The following DPP6 variants were observed in gnomAD, a reference collection of about 807,000 sequenced individuals.
The protein encoded by DPP6 is dipeptidyl peptidase like 6, also known as A-type potassium channel modulatory protein DPP6.
DPP6 carries 69 observed loss-of-function variants against 122.6 expected under a neutral mutation model. That is an observed-to-expected ratio of 0.56 (90% CI 0.46 to 0.69). The LOEUF (loss-of-function observed/expected upper bound fraction) is 0.69. Ranked by LOEUF, DPP6 falls within the 30% of genes least tolerant of loss-of-function variation. The probability of loss-of-function intolerance (pLI) is 0.00; values close to 1 mark genes in which losing one functional copy is unlikely to be tolerated. For missense variants in DPP6, 928 were observed against 1,116.9 expected (o/e 0.83, Z 2.41); for synonymous variants, 418 against 433.1 (o/e 0.97, Z 0.43).
chr7:154,504,353 G>A (rs1825501779), intron 3 of DPP6, among the ~76,000 whole-genome samples: 1 of 152,072 alleles, frequency 6.6e-6, no homozygotes, highest in Admixed American at 6.6e-5. Context: ...CTTGATCACC[G>A]ACCTATTAAA....
chr7:154,567,334 G>A (rs73729336), intron 5 of DPP6, among the ~76,000 whole-genome samples: 4,449 of 152,248 alleles, frequency 0.029, 220 homozygotes, highest in African/African-American at 0.1. Context: ...GTGTTCTAGT[G>A]AAGAGCTGAA....
chr7:154,389,708 T>G (rs1814444677), intron 1 of DPP6, among the ~76,000 whole-genome samples: 1 of 97,876 alleles, frequency 1.0e-5, no homozygotes, highest in Non-Finnish European at 2.8e-5. Flanking sequence ...CTAATTTTCC[T>G]TGCATTCTGG....
intron 1 of DPP6, among the ~76,000 whole-genome samples, chr7:154,295,303 A>G (rs1805466140): frequency 6.6e-6 from 1 of 152,208 alleles, no homozygotes; most frequent in South Asian, 2.1e-4. Context: ...TGTGTTGTTC[A>G]TACAAATCAC....
At chr7:154,802,869 T>C (rs1798457755) in intron 13 of DPP6, among the ~76,000 whole-genome samples, 1 of 151,712 alleles carries the variant, frequency 6.6e-6, no homozygotes, top group Non-Finnish European at 1.5e-5. Context: ...TATAAATGCT[T>C]CAGTGTTTTC....
chr7:153,935,063 G>A lies in DPP6; in HGVS notation c.51+47329G>A, dbSNP rs370380570. 7.4e-4 allele frequency among the ~76,000 whole-genome samples: 112 copies of A among 152,336 alleles called. 1 individual carries two copies. In the South Asian group the frequency reaches 0.02, roughly 27 times the overall value. ...CTCAGGGACCAGCCCCAGGGATGGC[G>A]AATGTCCTGACATAACGCTGTGCCC... On this transcript the variant is annotated intron_variant, in intron 1 of 25. Transcript: ENST00000404039.
At chr7:154,878,704 C>T (rs1805091960) in intron 20 of DPP6, among the ~76,000 whole-genome samples, 1 of 152,172 alleles carries the variant, frequency 6.6e-6, no homozygotes, top group African/African-American at 2.4e-5. Context: ...GGAGCTCGTC[C>T]CACCCCTGTG....
intron 1 of DPP6, among the ~76,000 whole-genome samples, chr7:154,329,831 T>C (rs1204375035): frequency 6.6e-6 from 1 of 152,184 alleles, no homozygotes; most frequent in Non-Finnish European, 1.5e-5. Flanking sequence ...ATATACACCA[T>C]GGAATACTAT....
intron 10 of DPP6, among the ~76,000 whole-genome samples, chr7:154,787,382 C>T (rs561048330): frequency 6.6e-6 from 1 of 151,262 alleles, no homozygotes; most frequent in South Asian, 2.1e-4. Context: ...CTTCCTTTCC[C>T]TACTGATTTG....
At chr7:154,881,789 C>T (rs1805409394) in intron 21 of DPP6, among the ~76,000 whole-genome samples, 6 of 152,178 alleles carry the variant, frequency 3.9e-5, no homozygotes, top group Admixed American at 3.9e-4. Context: ...CCCACACCTC[C>T]TCCTTACCTG....
chr7:154,488,198 G>A (rs1055799388), intron 3 of DPP6, among the ~76,000 whole-genome samples: 1 of 152,118 alleles, frequency 6.6e-6, no homozygotes, highest in South Asian at 2.1e-4. Context: ...GACACACGTG[G>A]GCGGGGCGGG....
rs189157487 is a variant in DPP6 at position 154,309,019 on chromosome 7, A to G, written c.244-137195A>G. On this transcript the variant is annotated intron_variant, in intron 1 of 25. Coordinates refer to ENST00000377770, the MANE Select transcript of DPP6 (RefSeq NM_130797.4). ...ACACAGGCACACCTCGTGTGTCACA[A>G]AATCAGAGTTGGAAAGGACCCCACA... Among the ~76,000 whole-genome samples the G allele has an allele frequency of 3.3e-5, 5 of 152,328 alleles. No individual in the cohort carries two copies. In the East Asian group the frequency reaches 9.7e-4, roughly 29 times the overall value.
At chr7:154,074,211 G>A (rs1187969712) in intron 1 of DPP6, among the ~76,000 whole-genome samples, 2 of 151,344 alleles carry the variant, frequency 1.3e-5, no homozygotes, top group East Asian at 1.9e-4. Flanking sequence ...TACTCAACAG[G>A]TGCATGTCAT....
intron 3 of DPP6, among the ~76,000 whole-genome samples, chr7:154,503,979 T>C (rs1825465503): frequency 6.6e-6 from 1 of 152,194 alleles, no homozygotes; most frequent in African/African-American, 2.4e-5. Flanking sequence ...AAACCAATGT[T>C]CCTGATTTAT....
chr7:154,030,817 A>G (rs1230170917), intron 1 of DPP6, among the ~76,000 whole-genome samples: 3 of 152,070 alleles, frequency 2.0e-5, no homozygotes, highest in African/African-American at 7.2e-5. Context: ...TCTGCTGCCA[A>G]CATCTACCCC....
At chr7:154,590,306 A>G (rs1053975940) in intron 5 of DPP6, among the ~76,000 whole-genome samples, 1 of 151,868 alleles carries the variant, frequency 6.6e-6, no homozygotes, top group Non-Finnish European at 1.5e-5. Flanking sequence ...ATCGAAATCT[A>G]TTTTTTATTA....
chr7:154,426,958 C>T (rs112696161), intron 1 of DPP6, among the ~76,000 whole-genome samples: 27 of 152,218 alleles, frequency 1.8e-4, no homozygotes, highest in East Asian at 1.4e-3. Context: ...CTTACCCCGC[C>T]CCCAGGATTA....
At chr7:154,700,493 A>C (rs565327748) in intron 7 of DPP6, among the ~76,000 whole-genome samples, 1 of 152,196 alleles carries the variant, frequency 6.6e-6, no homozygotes, top group Admixed American at 6.5e-5. Flanking sequence ...TTGGGCCTGG[A>C]GCATTTTAGG....
intron 1 of DPP6, among the ~76,000 whole-genome samples, chr7:154,416,506 T>A (rs979569041): frequency 6.6e-6 from 1 of 152,202 alleles, no homozygotes; most frequent in Non-Finnish European, 1.5e-5. Context: ...TTGTTATACA[T>A]GTTCTATTTT....
At chr7:154,183,676 T>C (rs1798209525) in intron 1 of DPP6, among the ~76,000 whole-genome samples, 1 of 152,182 alleles carries the variant, frequency 6.6e-6, no homozygotes, top group African/African-American at 2.4e-5. Context: ...AGATCTGCCT[T>C]CAAGGAACCC....
Sources: gnomAD v4.1 joint callset for allele counts (sites outside exome capture counted in the v4.1 genomes callset) on GRCh38, gnomAD v4.1.1 for gene constraint, MANE v1.5 for transcripts, NCBI Gene and HGNC (gene_info 2026-07-23, HGNC 2026-07-21) for gene names.